SYNPR: variants seen among roughly 807,000 people sequenced by gnomAD.
SYNPR encodes the protein synaptoporin.
SYNPR carries 23 observed loss-of-function variants against 32.9 expected under a neutral mutation model. That is an observed-to-expected ratio of 0.70 (90% CI 0.50 to 0.99). SYNPR has a LOEUF of 0.99. SYNPR is among the 50% of genes least tolerant of loss of function. The probability of loss-of-function intolerance (pLI) is 0.00; values close to 1 mark genes in which losing one functional copy is unlikely to be tolerated. For missense variants in SYNPR, 318 were observed against 349.3 expected, an observed-to-expected ratio of 0.91 and a Z score of 0.71; for synonymous variants, 146 against 135.9, an observed-to-expected ratio of 1.07 and a Z score of -0.52.
At chr3:63,286,155 A>G (rs2086678533) in intron 2 of SYNPR, among the ~76,000 whole-genome samples, 2 of 152,138 alleles carry the variant, frequency 1.3e-5, no homozygotes, top group African/African-American at 2.4e-5. Context: ...TATTTTTACC[A>G]TAGTATGAGT....
At position 63,301,016 on chromosome 3, in the gene SYNPR, A is replaced by G. The variant is rs116189184; in HGVS notation, c.84+22274A>G. Reference sequence around the variant, plus strand: ...AGAGTGTTGGAAATAGTTCTATTAAATGCAATGAAATATGATTTGGAAAAG... The same window carrying G: ...AGAGTGTTGGAAATAGTTCTATTAAGTGCAATGAAATATGATTTGGAAAAG... On this transcript the variant is annotated intron_variant, in intron 2 of 5. Transcript: ENST00000478300. 8.4e-3 allele frequency among the ~76,000 whole-genome samples: 1,272 copies of G among 152,244 alleles called. 24 individuals are homozygous for G. Among genetic ancestry groups the G allele is most frequent in the African/African-American group, 0.028 (1,150 of 41,562 alleles).
chr3:63,458,751 A>G (rs1215275840), intron 2 of SYNPR, among the ~76,000 whole-genome samples: 1 of 152,028 alleles, frequency 6.6e-6, no homozygotes, highest in Non-Finnish European at 1.5e-5. Context: ...TATGAGTCCA[A>G]TCTTCTTACC....
chr3:63,240,482 G>A lies in SYNPR; in HGVS notation n.67-12017G>A, dbSNP rs117156895. On this transcript the variant is annotated intron_variant and non_coding_transcript_variant, in intron 1 of 4. Transcript: ENST00000478456. ...CTGTGCTCTTGCTATGGGGGCCTCC[G>A]AAGTCTAGAAGGAAATGAAAGAGGA... is the stretch of plus-strand genomic sequence containing the variant. Among the ~76,000 whole-genome samples the A allele has an allele frequency of 3.4e-4, 51 of 152,154 alleles. No homozygotes were observed. In the East Asian group the frequency reaches 6.2e-3, roughly 19 times the overall value.
chr3:63,541,458 GTTCT>G (rs1188407667), intron 3 of SYNPR, among the ~76,000 whole-genome samples: 1 of 152,064 alleles, frequency 6.6e-6, no homozygotes, highest in African/African-American at 2.4e-5. Flanking sequence ...AAATGCACCA[GTTCT>G]TTCTATTGAC....
chr3:63,476,214 G>GAGGGA (rs1370590633), intron 2 of SYNPR, among the ~76,000 whole-genome samples: 1 of 85,854 alleles, frequency 1.2e-5, no homozygotes, highest in Non-Finnish European at 2.4e-5. Flanking sequence ...AGGAAGGAAG[G>GAGGGA]AGGGAAGGGA....
Position 63,540,849 on chromosome 3 carries a change from C to T in SYNPR, c.210-15694C>T, listed in dbSNP as rs1702285260. Among the ~76,000 whole-genome samples the T allele has an allele frequency of 2.0e-5, 3 of 149,320 alleles. No individual in the cohort carries two copies. In the Admixed American group the frequency reaches 2.0e-4, roughly 10 times the overall value. On this transcript the variant is annotated intron_variant, in intron 3 of 5. Coordinates refer to ENST00000478300, the MANE Select transcript of SYNPR (RefSeq NM_001130003.2). The stretch of plus-strand genomic sequence containing the variant: ...GAACCCTTCTTTTTAATGAAGAACC[C>T]ATTCAGTGAGGTTCATGTGAAATTT...
rs1700279747 is a variant in SYNPR at position 63,616,455 on chromosome 3, G to C, written c.*974G>C. 6.6e-6 allele frequency: 1 copy of C among 152,488 alleles called. No homozygotes were observed. Among genetic ancestry groups the C allele is most frequent in the African/African-American group, 2.4e-5 (1 of 41,418 alleles). 9.4% of individuals were successfully genotyped at this position (152,488 alleles called of 1,614,324 possible). A position where few individuals can be genotyped will look rare whatever the true frequency, so the allele number is the denominator to read the frequency against. On this transcript the variant is annotated 3_prime_UTR_variant, in exon 6 of 6. Coordinates refer to ENST00000478300, the MANE Select transcript of SYNPR (RefSeq NM_001130003.2). ...ATTTATTTATAAAGAATATTCTGTA[G>C]AACCTCTACTACCAGCTATATTTTT...
At chr3:63,592,845 G>A (rs1355630650) in intron 4 of SYNPR, among the ~76,000 whole-genome samples, 1 of 152,022 alleles carries the variant, frequency 6.6e-6, no homozygotes, top group Non-Finnish European at 1.5e-5. Context: ...TTAATAGAGT[G>A]AACTTTCAGG....
At chr3:63,499,855 A>C (rs1701444998) in intron 3 of SYNPR, among the ~76,000 whole-genome samples, 1 of 152,170 alleles carries the variant, frequency 6.6e-6, no homozygotes, top group African/African-American at 2.4e-5. Flanking sequence ...TTAGTATGAC[A>C]AATTCATTGT....
chr3:63,496,488 A>C (rs1295681930), intron 3 of SYNPR, among the ~76,000 whole-genome samples: 1 of 152,134 alleles, frequency 6.6e-6, no homozygotes, highest in African/African-American at 2.4e-5. Context: ...GTACAATTAA[A>C]ATAATTTTGT....
intron 2 of SYNPR, among the ~76,000 whole-genome samples, chr3:63,287,302 A>C (rs1461673123): frequency 1.3e-5 from 2 of 152,042 alleles, no homozygotes; most frequent in Non-Finnish European, 2.9e-5. Flanking sequence ...TGTACATGCC[A>C]CTTCCACTGC....
intron 4 of SYNPR, among the ~76,000 whole-genome samples, chr3:63,571,079 T>C (rs1702877949): frequency 6.6e-6 from 1 of 152,138 alleles, no homozygotes; most frequent in Admixed American, 6.6e-5. Context: ...AAAATCACAA[T>C]AAGCATCAAT....
intron 2 of SYNPR, among the ~76,000 whole-genome samples, chr3:63,363,931 A>G (rs867046811): frequency 6.6e-6 from 1 of 152,184 alleles, no homozygotes; most frequent in Admixed American, 6.5e-5. Context: ...ATGAGGAAGA[A>G]TATTAAGTAT....
chr3:63,372,747 A>G (rs1223798951), intron 2 of SYNPR, among the ~76,000 whole-genome samples: 4 of 152,214 alleles, frequency 2.6e-5, no homozygotes, highest in Non-Finnish European at 5.9e-5. Flanking sequence ...GTGAAAACAT[A>G]AAGCCTGAGC....
At chr3:63,221,303 G>A in the SYNPR span, among the ~76,000 whole-genome samples, 32,048 of 152,020 alleles carry the variant, frequency 0.21, 4,293 homozygotes, top group Admixed American at 0.32. Flanking sequence ...GAGATTAAAA[G>A]GGATTTCATC....
intron 2 of SYNPR, among the ~76,000 whole-genome samples, chr3:63,260,515 A>C (rs1560171606): frequency 1.3e-5 from 2 of 152,308 alleles, no homozygotes; most frequent in African/African-American, 4.8e-5. Flanking sequence ...CTGGCTAGCC[A>C]TTATGTAGAA....
chr3:63,323,849 C>A (rs906737600), intron 2 of SYNPR, among the ~76,000 whole-genome samples: 1 of 152,094 alleles, frequency 6.6e-6, no homozygotes, highest in Non-Finnish European at 1.5e-5. Flanking sequence ...CATGCATTCT[C>A]TCATTTAATA....
At chr3:63,370,442 A>G (rs1470559454) in intron 2 of SYNPR, among the ~76,000 whole-genome samples, 1 of 152,220 alleles carries the variant, frequency 6.6e-6, no homozygotes, top group Non-Finnish European at 1.5e-5. Context: ...CTAGTGTGCC[A>G]ATAAAGAATC....
chr3:63,613,394 C>A (rs1212545062), intron 5 of SYNPR, among the ~76,000 whole-genome samples: 1 of 151,778 alleles, frequency 6.6e-6, no homozygotes, highest in Admixed American at 6.6e-5. Flanking sequence ...CGTTTTGTAT[C>A]TCCCTCAGCA....
Sources: gnomAD v4.1 joint callset for allele counts (sites outside exome capture counted in the v4.1 genomes callset) on GRCh38, gnomAD v4.1.1 for gene constraint, MANE v1.5 for transcripts, NCBI Gene and HGNC (gene_info 2026-07-23, HGNC 2026-07-21) for gene names.